Variants in BEX1 observed in about 807,000 individuals in gnomAD.
BEX1 encodes the protein protein BEX1.
For missense variants in BEX1, 86 were observed against 99.2 expected, an observed-to-expected ratio of 0.87 and a Z score of 0.57; for synonymous variants, 41 against 33.4, an observed-to-expected ratio of 1.23 and a Z score of -0.79.
intron 1 of BEX1, 119 bp from the exon 2 acceptor site, chrX:103,063,850 G>GC (rs1921613748): frequency 1.7e-5 from 2 of 120,439 alleles, no homozygotes; most frequent in Admixed American, 8.8e-5. Context: ...CGGCCGCCTC[G>GC]CCCCCCGTGG....
At position 103,062,723 on chromosome X, in the gene BEX1, C is replaced by A; in HGVS notation, c.*174G>T. ...CCATGCAATAGGTAAAATTCTTCTG[C>A]TAACAAAAATCTTACAGACTGGTTC... is the stretch of plus-strand genomic sequence containing the variant. On this transcript the variant is annotated 3_prime_UTR_variant, in exon 3 of 3. Coordinates refer to ENST00000372728, the MANE Select transcript of BEX1 (RefSeq NM_018476.4). The A allele has an allele frequency of 1.5e-6, 1 of 657,170 alleles. No individual in the cohort carries two copies. The highest frequency in any genetic ancestry group is 2.2e-6 in the Non-Finnish European group (1 of 452,901). The allele number at this position is 657,170 out of a possible 1,213,427, so 54.2% of individuals were successfully genotyped here. A position where few individuals can be genotyped will look rare whatever the true frequency, so the allele number is the denominator to read the frequency against.
chrX:103,063,425 A>C, intron 2 of BEX1, 146 bp from the exon 3 acceptor site: 2 of 569,968 alleles, frequency 3.5e-6, no homozygotes, highest in Non-Finnish European at 4.9e-6. Context: ...TTCCCACCAG[A>C]GAGGTTTCGT....
At position 103,062,664 on chromosome X, in the gene BEX1, G is replaced by A. The variant is rs758905182; in HGVS notation, c.*233C>T. ...AGAATATAGAGATTGCTTTTTAAAG[G>A]TGCTTTATTAACTTCACTATAATGA... On this transcript the variant is annotated 3_prime_UTR_variant, in exon 3 of 3. Coordinates refer to ENST00000372728, the MANE Select transcript of BEX1 (RefSeq NM_018476.4). 5.2e-6 allele frequency: 2 copies of A among 386,730 alleles called. No individual in the cohort carries two copies. Among genetic ancestry groups the A allele is most frequent in the Admixed American group, 4.7e-5 (1 of 21,233 alleles). 31.9% of individuals were successfully genotyped at this position (386,730 alleles called of 1,213,427 possible).
At chrX:103,063,603 G>A (rs867158888) in intron 2 of BEX1, 39 bp downstream of exon 2, 42 of 307,252 alleles carry the variant, frequency 1.4e-4, no homozygotes, top group Middle Eastern at 9.8e-4. Flanking sequence ...CCTCAGACTG[G>A]ACTCTGCACC....
Position 103,062,962 on chromosome X carries a change from G to A in BEX1, c.313C>T (p.Leu105=), listed in dbSNP as rs397832536. 1.4e-5 allele frequency: 17 copies of A among 1,209,504 alleles called. No individual in the cohort carries two copies. The highest frequency in any genetic ancestry group is 1.9e-5 in the Non-Finnish European group (17 of 895,174). Residue 105 remains leucine (L), a synonymous_variant, in exon 3 of 3, where the codon CTG becomes TTG. Coordinates refer to ENST00000372728, the MANE Select transcript of BEX1 (RefSeq NM_018476.4). ...KLREKQLSHS[L]RAVSTDPPHH... is the part of the protein sequence containing the mutation. ...GGGGGGTCAGTGCTGACTGCCCGCAGACTATGACTCAACTGCTTTTCCCTC... is the reference window on the plus strand; with the variant it reads ...GGGGGGTCAGTGCTGACTGCCCGCAAACTATGACTCAACTGCTTTTCCCTC...
Position 103,062,884 on chromosome X carries a change from A to G in BEX1, c.*13T>C, listed in dbSNP as rs1342883999. The G allele has an allele frequency of 1.7e-6, 2 of 1,208,656 alleles. No individual in the cohort carries two copies. The highest frequency in any genetic ancestry group is 4.4e-5 in the Admixed American group (2 of 45,903). ...GTCTGTTTCCGTAATAACTTTAGGG[A>G]AACCATCAGGATTCAGGGCATAAGG... On this transcript the variant is annotated 3_prime_UTR_variant, in exon 3 of 3. Coordinates refer to ENST00000372728, the MANE Select transcript of BEX1 (RefSeq NM_018476.4).
chrX:103,063,014 C>T lies in BEX1; in HGVS notation c.261G>A (p.Glu87=). 1.7e-6 allele frequency: 2 copies of T among 1,211,435 alleles called. No homozygotes were observed. The highest frequency in any genetic ancestry group is 3.0e-5 in the East Asian group (1 of 33,815). Residue 87 remains glutamate, a synonymous_variant, in exon 3 of 3, where the codon GAG becomes GAA. Transcript: ENST00000372728. ...MREENMERIG[E]EVRQLMEKLR... ...GCTTTTCCATCAGCTGTCTCACCTC[C>T]TCCCCAATCCTTTCCATATTCTCTT...
chrX:103,062,681 C>A lies in BEX1; in HGVS notation c.*216G>T. On this transcript the variant is annotated 3_prime_UTR_variant, in exon 3 of 3. Coordinates refer to ENST00000372728, the MANE Select transcript of BEX1 (RefSeq NM_018476.4). The stretch of plus-strand genomic sequence containing the variant: ...TTTTAAAGGTGCTTTATTAACTTCA[C>A]TATAATGAGCATCTTTCCATGCAAT... 1 of 443,636 alleles carries A rather than the reference C, an allele frequency of 2.3e-6. No individual in the cohort carries two copies. The highest frequency in any genetic ancestry group is 3.7e-6 in the Non-Finnish European group (1 of 270,152). 36.6% of individuals were successfully genotyped at this position (443,636 alleles called of 1,213,427 possible). A position where few individuals can be genotyped will look rare whatever the true frequency, so the allele number is the denominator to read the frequency against.
In BEX1 at chrX:103,063,591, G is replaced by T. The variant is rs1010737624; in HGVS notation, c.-6+51C>A. ...ACGGGAGATGGGGGAGTTGGGAGGG[G>T]ACCTCAGACTGGACTCTGCACCCGC... On this transcript the variant is annotated intron_variant, in intron 2 of 2. Coordinates refer to ENST00000372728, the MANE Select transcript of BEX1 (RefSeq NM_018476.4). 1.9e-4 allele frequency: 62 copies of T among 320,721 alleles called. 1 individual carries two copies. The highest frequency in any genetic ancestry group is 1.7e-3 in the East Asian group (30 of 17,851). 26.4% of individuals were successfully genotyped at this position (320,721 alleles called of 1,213,427 possible).
At position 103,063,685 on chromosome X, in the gene BEX1, A is replaced by G; in HGVS notation, c.-49T>C. ...TCTCCTCCTTCTCCCGATTCTCGCC[A>G]CGAGGTGCGCCGCCGGGACACTTGG... On this transcript the variant is annotated 5_prime_UTR_variant, in exon 2 of 3. Transcript: ENST00000372728. 5.3e-6 allele frequency: 1 copy of G among 189,062 alleles called. No homozygotes were observed. Among genetic ancestry groups the G allele is most frequent in the South Asian group, 1.2e-4 (1 of 8,160 alleles). The allele number at this position is 189,062 out of a possible 1,213,427, so 15.6% of individuals were successfully genotyped here. A position where few individuals can be genotyped will look rare whatever the true frequency, so the allele number is the denominator to read the frequency against.
Position 103,062,948 on chromosome X carries a change from G to A in BEX1, c.327C>T (p.Ser109=), listed in dbSNP as rs1921580467. Reference sequence around the variant, plus strand: ...GATGGTCATGGTGAGGGGGGTCAGTGCTGACTGCCCGCAGACTATGACTCA... The same window carrying A: ...GATGGTCATGGTGAGGGGGGTCAGTACTGACTGCCCGCAGACTATGACTCA... ...KQLSHSLRAV[S]TDPPHHDHHD... is the part of the protein sequence containing the mutation. Residue 109 remains serine (S), a synonymous_variant, in exon 3 of 3, where the codon AGC becomes AGT. Coordinates refer to ENST00000372728, the MANE Select transcript of BEX1 (RefSeq NM_018476.4). The A allele has an allele frequency of 2.5e-6, 3 of 1,211,601 alleles. No homozygotes were observed. Among genetic ancestry groups the A allele is most frequent in the East Asian group, 3.0e-5 (1 of 33,823 alleles).
rs190195524 is a variant in BEX1, at chrX:103,062,792, G to A, written c.*105C>T. 14 of 1,077,810 alleles carry A rather than the reference G, an allele frequency of 1.3e-5. No individual in the cohort carries two copies. The highest frequency in any genetic ancestry group is 9.1e-5 in the East Asian group (3 of 32,909). The allele number at this position is 1,077,810 out of a possible 1,213,427, so 88.8% of individuals were successfully genotyped here. ...TAGAAGCTGGTAATAGGAGACCCACGTAAACAAGTGACAGGTAAAGGTTTA... is the reference window on the plus strand; with the variant it reads ...TAGAAGCTGGTAATAGGAGACCCACATAAACAAGTGACAGGTAAAGGTTTA... On this transcript the variant is annotated 3_prime_UTR_variant, in exon 3 of 3. Transcript: ENST00000372728.
chrX:103,063,279 C>T lies in BEX1; in HGVS notation c.-5G>A. 8.3e-7 allele frequency: 1 copy of T among 1,205,071 alleles called. No individual in the cohort carries two copies. Among genetic ancestry groups the T allele is most frequent in the Non-Finnish European group, 1.1e-6 (1 of 892,520 alleles). On this transcript the variant is annotated splice_region_variant and 5_prime_UTR_variant, in exon 3 of 3. Coordinates refer to ENST00000372728, the MANE Select transcript of BEX1 (RefSeq NM_018476.4). ...TCGTTTCTCTTTGGACTCCATTACT[C>T]CTAGGAGACAAAAGGAGAGAGAAGG...
In BEX1 at chrX:103,062,785, G is replaced by T. The variant is rs894446184; in HGVS notation, c.*112C>A. 17 of 1,028,912 alleles carry T rather than the reference G, an allele frequency of 1.7e-5. No homozygotes were observed. Among genetic ancestry groups the T allele is most frequent in the Non-Finnish European group, 2.2e-5 (17 of 761,061 alleles). The allele number at this position is 1,028,912 out of a possible 1,213,427, so 84.8% of individuals were successfully genotyped here. On this transcript the variant is annotated 3_prime_UTR_variant, in exon 3 of 3. Transcript: ENST00000372728. ...ATTCAATTAGAAGCTGGTAATAGGA[G>T]ACCCACGTAAACAAGTGACAGGTAA...
chrX:103,064,161 G>T lies in BEX1; in HGVS notation c.-161C>A. On this transcript the variant is annotated 5_prime_UTR_variant, in exon 1 of 3. Coordinates refer to ENST00000372728, the MANE Select transcript of BEX1 (RefSeq NM_018476.4). ...CGCAGGGCAGCGGGGAGCTGGTAGCGAGACACGAGTGACGACTGCACCGAA... is the reference window on the plus strand; with the variant it reads ...CGCAGGGCAGCGGGGAGCTGGTAGCTAGACACGAGTGACGACTGCACCGAA... 2 of 503,571 alleles carry T rather than the reference G, an allele frequency of 4.0e-6. No homozygotes were observed. Among genetic ancestry groups the T allele is most frequent in the Non-Finnish European group, 4.9e-6 (2 of 408,558 alleles). 41.5% of individuals were successfully genotyped at this position (503,571 alleles called of 1,213,427 possible). A position where few individuals can be genotyped will look rare whatever the true frequency, so the allele number is the denominator to read the frequency against.
Position 103,063,715 on chromosome X carries a change from G to A in BEX1, c.-79C>T. On this transcript the variant is annotated 5_prime_UTR_variant, in exon 2 of 3. Transcript: ENST00000372728. ...GTGCGCCGCCGGGACACTTGGCCCCGCAGACCTGCAGAAGGGCTGGGGTGT... is the reference window on the plus strand; with the variant it reads ...GTGCGCCGCCGGGACACTTGGCCCCACAGACCTGCAGAAGGGCTGGGGTGT... 5.6e-6 allele frequency: 1 copy of A among 178,357 alleles called. No homozygotes were observed. The highest frequency in any genetic ancestry group is 1.5e-3 in the Middle Eastern group (1 of 646). The allele number at this position is 178,357 out of a possible 1,213,427, so 14.7% of individuals were successfully genotyped here. A position where few individuals can be genotyped will look rare whatever the true frequency, so the allele number is the denominator to read the frequency against.
In BEX1 at chrX:103,063,177, G is replaced by A; in HGVS notation, c.98C>T (p.Pro33Leu). The A allele has an allele frequency of 8.3e-7, 1 of 1,211,517 alleles. No homozygotes were observed. Among genetic ancestry groups the A allele is most frequent in the Non-Finnish European group, 1.1e-6 (1 of 895,465 alleles). The change falls in exon 3 of 3, where the codon CCC (proline) becomes CTC (leucine). Residue 33 changes from proline (P) to leucine (L), a missense_variant. Physicochemically the swap from Pro to Leu is moderately conservative, Grantham distance 98. Transcript: ENST00000372728. ...EKEQVANKGE[P>L]LALPLDAGEY... Reference sequence around the variant, plus strand: ...ACCAGCATCCAAAGGGAGGGCCAAGGGCTCCCCTTTATTAGCAACTTGCTC... The same window carrying A: ...ACCAGCATCCAAAGGGAGGGCCAAGAGCTCCCCTTTATTAGCAACTTGCTC...
chrX:103,062,782 G>C lies in BEX1; in HGVS notation c.*115C>G, dbSNP rs1049301348. On this transcript the variant is annotated 3_prime_UTR_variant, in exon 3 of 3. Coordinates refer to ENST00000372728, the MANE Select transcript of BEX1 (RefSeq NM_018476.4). ...AATATTCAATTAGAAGCTGGTAATA[G>C]GAGACCCACGTAAACAAGTGACAGG... is the stretch of plus-strand genomic sequence containing the variant. 29 of 1,021,865 alleles carry C rather than the reference G, an allele frequency of 2.8e-5. No individual in the cohort carries two copies. In the East Asian group the frequency reaches 4.0e-4, roughly 14 times the overall value. The allele number at this position is 1,021,865 out of a possible 1,213,427, so 84.2% of individuals were successfully genotyped here.
At position 103,062,800 on chromosome X, in the gene BEX1, G is replaced by GT. The variant is rs1921576260; in HGVS notation, c.*96dup. The stretch of plus-strand genomic sequence containing the variant: ...GGTAATAGGAGACCCACGTAAACAA[G>GT]TGACAGGTAAAGGTTTACAACAAGG... On this transcript the variant is annotated 3_prime_UTR_variant, in exon 3 of 3. Coordinates refer to ENST00000372728, the MANE Select transcript of BEX1 (RefSeq NM_018476.4). 1.2e-5 allele frequency: 13 copies of GT among 1,101,097 alleles called. No homozygotes were observed. The highest frequency in any genetic ancestry group is 5.0e-4 in the Middle Eastern group (2 of 3,978). 90.7% of individuals were successfully genotyped at this position (1,101,097 alleles called of 1,213,427 possible).
Sources: allele counts gnomAD v4.1 joint callset, GRCh38; gene constraint gnomAD v4.1.1; transcripts MANE v1.5; gene names NCBI Gene and HGNC (gene_info 2026-07-23, HGNC 2026-07-21).